SGCZ: variants seen among roughly 807,000 people sequenced by gnomAD.
SGCZ encodes the protein sarcoglycan zeta.
Under a neutral mutation model 41.3 loss-of-function variants are expected in SGCZ, and 40 were observed. The observed-to-expected ratio is 0.97, with a 90% confidence interval of 0.75 to 1.26. The LOEUF is 1.26. SGCZ is among the 50% of genes most tolerant of loss of function. SGCZ has a pLI of 0.00. For missense variants in SGCZ, 552 were observed against 369.8 expected (o/e 1.49, Z -4.04); for synonymous variants, 206 against 137.5 (o/e 1.50, Z -3.49).
chr8:14,270,903 T>C (rs553101785), intron 3 of SGCZ, among the ~76,000 whole-genome samples: 12 of 152,226 alleles, frequency 7.9e-5, no homozygotes, highest in Non-Finnish European at 1.3e-4. Flanking sequence ...TGTAGGGACA[T>C]GGATGAAGCT....
intron 1 of SGCZ, among the ~76,000 whole-genome samples, chr8:14,754,072 G>A (rs1799583290): frequency 6.6e-6 from 1 of 152,172 alleles, no homozygotes; most frequent in South Asian, 2.1e-4. Flanking sequence ...CATGTCAACA[G>A]AGTTCTGCAT....
intron 1 of SGCZ, among the ~76,000 whole-genome samples, chr8:15,136,818 C>T (rs1808123820): frequency 6.6e-6 from 1 of 152,094 alleles, no homozygotes; most frequent in African/African-American, 2.4e-5. Flanking sequence ...TCTTTCAGAG[C>T]ACTGTTAGAA....
chr8:14,409,056 C>T (rs1799290704), intron 2 of SGCZ, among the ~76,000 whole-genome samples: 1 of 151,630 alleles, frequency 6.6e-6, no homozygotes, highest in Admixed American at 6.6e-5. Context: ...AGTTTTGATA[C>T]ACGACACAGA....
intron 1 of SGCZ, among the ~76,000 whole-genome samples, chr8:15,177,540 T>A (rs1397089664): frequency 3.9e-5 from 6 of 152,176 alleles, no homozygotes; most frequent in South Asian, 2.1e-4. Context: ...GATCATTTTT[T>A]AAAAAGAAAG....
intron 1 of SGCZ, among the ~76,000 whole-genome samples, chr8:15,004,856 C>T (rs1202614055): frequency 1.5e-5 from 2 of 134,512 alleles, no homozygotes; most frequent in African/African-American, 2.8e-5. Context: ...AAGTGTTTAT[C>T]GCAATGAACT....
At position 15,024,908 on chromosome 8, in the gene SGCZ, C is replaced by G. The variant is rs994960340; in HGVS notation, c.39+212677G>C. Among the ~76,000 whole-genome samples the G allele has an allele frequency of 1.7e-4, 25 of 150,824 alleles. No individual in the cohort carries two copies. In the South Asian group the frequency reaches 4.0e-3, roughly 24 times the overall value. ...CCGAGATGGCGCCACTGCACTCCAG[C>G]CTGGGCGACAGAGTGAGACTCCGTC... On this transcript the variant is annotated intron_variant, in intron 1 of 7. Transcript: ENST00000382080.
intron 1 of SGCZ, among the ~76,000 whole-genome samples, chr8:14,955,041 C>T (rs1800750334): frequency 6.6e-6 from 1 of 152,080 alleles, no homozygotes; most frequent in Non-Finnish European, 1.5e-5. Flanking sequence ...TTAACATTCT[C>T]AGAACCTGAG....
intron 5 of SGCZ, among the ~76,000 whole-genome samples, chr8:14,127,609 C>CCA (rs749456411): frequency 6.6e-6 from 1 of 152,054 alleles, no homozygotes; most frequent in Non-Finnish European, 1.5e-5. Flanking sequence ...GCACCCACTA[C>CCA]CACACCAGGC....
chr8:14,980,449 T>C (rs1413172878), intron 1 of SGCZ, among the ~76,000 whole-genome samples: 2 of 152,354 alleles, frequency 1.3e-5, no homozygotes, highest in Admixed American at 6.5e-5. Context: ...AATATCTATC[T>C]ATCTGTGTTA....
rs1159190492 is a variant in SGCZ, at chr8:14,702,925, GTAGATAGATAGA to G, written c.40-148011_40-148000del. Among the ~76,000 whole-genome samples, 562 of 125,960 alleles carry G rather than the reference GTAGATAGATAGA, an allele frequency of 4.5e-3. 7 individuals are homozygous for G. Among genetic ancestry groups the G allele is most frequent in the Middle Eastern group, 0.012 (3 of 246 alleles). 82.6% of individuals were successfully genotyped at this position (125,960 alleles called of 152,430 possible). ...GGCAGACAGGTAGGTAGTTAGGTAG[GTAGATAGATAGA>G]TAGATAGATAGATAGATAGATAGAT... On this transcript the variant is annotated intron_variant, in intron 1 of 7. Coordinates refer to ENST00000382080, the MANE Select transcript of SGCZ (RefSeq NM_139167.4).
At chr8:15,021,452 G>A (rs73665370) in intron 1 of SGCZ, among the ~76,000 whole-genome samples, 41 of 152,290 alleles carry the variant, frequency 2.7e-4, no homozygotes, top group African/African-American at 9.9e-4. Flanking sequence ...ATCAGAATCT[G>A]TTGGCTTATC....
At chr8:14,690,158 T>G (rs2117567678) in intron 1 of SGCZ, among the ~76,000 whole-genome samples, 1 of 152,056 alleles carries the variant, frequency 6.6e-6, no homozygotes. Context: ...AAGAGGTTAT[T>G]TTGGGCCCGT....
intron 1 of SGCZ, among the ~76,000 whole-genome samples, chr8:14,922,145 G>A (rs1799606339): frequency 6.6e-6 from 1 of 151,974 alleles, no homozygotes; most frequent in Non-Finnish European, 1.5e-5. Flanking sequence ...AGACCTTGGG[G>A]AAGGGAACCA....
At chr8:14,733,333 C>A (rs1798927505) in intron 1 of SGCZ, among the ~76,000 whole-genome samples, 1 of 152,188 alleles carries the variant, frequency 6.6e-6, no homozygotes, top group African/African-American at 2.4e-5. Context: ...AATTGAGGAT[C>A]TATATTTCCT....
chr8:14,785,462 T>C (rs1800738968), intron 1 of SGCZ, among the ~76,000 whole-genome samples: 1 of 152,142 alleles, frequency 6.6e-6, no homozygotes, highest in African/African-American at 2.4e-5. Flanking sequence ...AAATGCATGG[T>C]ATAACATTAA....
chr8:14,512,365 T>C (rs1802490503), intron 2 of SGCZ, among the ~76,000 whole-genome samples: 1 of 152,196 alleles, frequency 6.6e-6, no homozygotes, highest in African/African-American at 2.4e-5. Flanking sequence ...TCCTTGCCTA[T>C]CAGTATGCCT....
intron 2 of SGCZ, among the ~76,000 whole-genome samples, chr8:14,552,681 C>A (rs1332199320): frequency 6.6e-6 from 1 of 152,046 alleles, no homozygotes; most frequent in Non-Finnish European, 1.5e-5. Flanking sequence ...CCATGAGGAT[C>A]CTGAGGACAC....
intron 1 of SGCZ, among the ~76,000 whole-genome samples, chr8:14,633,118 A>C (rs936063440): frequency 6.6e-6 from 1 of 152,074 alleles, no homozygotes. Context: ...TTACAACATC[A>C]TGAATGTTTG....
intron 4 of SGCZ, among the ~76,000 whole-genome samples, chr8:14,213,082 T>C (rs1488840705): frequency 6.6e-6 from 1 of 152,026 alleles, no homozygotes; most frequent in African/African-American, 2.4e-5. Context: ...CAGCAAAAGA[T>C]ATAATATTTG....
Sources: gnomAD v4.1 joint callset for allele counts (sites outside exome capture counted in the v4.1 genomes callset) on GRCh38, gnomAD v4.1.1 for gene constraint, MANE v1.5 for transcripts, NCBI Gene and HGNC (gene_info 2026-07-23, HGNC 2026-07-21) for gene names.